Variants in MANSC1 observed in about 807,000 individuals in gnomAD.
MANSC1 encodes MANSC domain containing 1, also known as MANSC domain-containing protein 1.
Under a neutral mutation model 14.1 loss-of-function variants are expected in MANSC1, and 13 were observed. That is an observed-to-expected ratio of 0.92 (90% confidence interval 0.60 to 1.46). The LOEUF is 1.46. Ranked by LOEUF, MANSC1 falls within the 40% of genes most tolerant of loss-of-function variation. The probability of loss-of-function intolerance (pLI) is 0.00; values close to 1 mark genes in which losing one functional copy is unlikely to be tolerated. For missense variants in MANSC1, 486 were observed against 511.4 expected (o/e 0.95, Z 0.48); for synonymous variants, 227 against 200.7 (o/e 1.13, Z -1.11).
At chr12:12,334,176 G>C (rs1862827898) in intron 3 of MANSC1, among the ~76,000 whole-genome samples, 1 of 152,064 alleles carries the variant, frequency 6.6e-6, no homozygotes. Context: ...GACTGCTTGA[G>C]CTCAGGAGGT....
chr12:12,328,984 T>TCACACACACACACACACACA lies in MANSC1; in HGVS notation c.*1023_*1042dup, dbSNP rs35684053. On this transcript the variant is annotated 3_prime_UTR_variant, in exon 4 of 4. Coordinates refer to ENST00000535902, the MANE Select transcript of MANSC1 (RefSeq NM_018050.4). ...GCCTGGGTGACAGAGCAAGACTCTG[T>TCACACACACACACACACACA]CACACACACACACACACACACACAC... 7.6e-6 allele frequency: 1 copy of TCACACACACACACACACACA among 131,628 alleles called. No homozygotes were observed. Among genetic ancestry groups the TCACACACACACACACACACA allele is most frequent in the African/African-American group, 2.9e-5 (1 of 34,936 alleles). 8.2% of individuals were successfully genotyped at this position (131,628 alleles called of 1,614,324 possible).
intron 3 of MANSC1, among the ~76,000 whole-genome samples, chr12:12,337,935 G>A (rs1476169419): frequency 6.6e-6 from 1 of 152,144 alleles, no homozygotes; most frequent in Non-Finnish European, 1.5e-5. Context: ...TTCCTTTCCA[G>A]TCTAGACAAT....
In MANSC1 at chr12:12,330,364, A is replaced by G. The variant is rs1481244881; in HGVS notation, c.959T>C (p.Ile320Thr). Residue 320 changes from isoleucine (I) to threonine (T), a missense_variant, in exon 4 of 4, where the codon ATA (isoleucine) becomes ACA (threonine). Coordinates refer to ENST00000535902, the MANE Select transcript of MANSC1 (RefSeq NM_018050.4). ...PTDSKGSLET[I>T]PFTEISNLTL... is the part of the protein sequence containing the mutation. ...TAGGTTGGAGATTTCTGTAAACGGTATGGTTTCTAAGCTGCCTTTCGAGTC... is the reference window on the plus strand; with the variant it reads ...TAGGTTGGAGATTTCTGTAAACGGTGTGGTTTCTAAGCTGCCTTTCGAGTC... 1.2e-5 allele frequency: 20 copies of G among 1,614,110 alleles called. No individual in the cohort carries two copies. Among genetic ancestry groups the G allele is most frequent in the South Asian group, 7.7e-5 (7 of 91,090 alleles).
At position 12,330,859 on chromosome 12, in the gene MANSC1, T is replaced by C; in HGVS notation, c.464A>G (p.His155Arg). 6.2e-7 allele frequency: 1 copy of C among 1,614,122 alleles called. No individual in the cohort carries two copies. The highest frequency in any genetic ancestry group is 8.5e-7 in the Non-Finnish European group (1 of 1,179,980). The change falls in exon 4 of 4, where the codon CAT (histidine) becomes CGT (arginine). Residue 155 changes from histidine to arginine, a missense_variant. His to Arg is a conservative substitution (Grantham distance 29, BLOSUM62 0). Transcript: ENST00000535902. ...GGGCTTTGAATAATCTGTGTGATGA[T>C]GGGCTAGGGGAGTGACTGCTTGTGA... ...QFSQAVTPLAHHHTDYSKPTD... is the reference protein window; with the variant it reads ...QFSQAVTPLARHHTDYSKPTD...
intron 2 of MANSC1, chr12:12,339,110 G>T: frequency 6.2e-6 from 1 of 162,586 alleles, no homozygotes; most frequent in Non-Finnish European, 1.3e-5. Context: ...GGGCCGGCAA[G>T]CACCAAAGAG....
In MANSC1 at chr12:12,338,693, C is replaced by T. The variant is rs866581252; in HGVS notation, c.224-133G>A. The stretch of plus-strand genomic sequence containing the variant: ...TCATTTTGTTCACTTGCTTGCTGAC[C>T]GCTGAATCATTTCCTTTTCCTTAGC... On this transcript the variant is annotated intron_variant, in intron 2 of 3. Transcript: ENST00000535902. The T allele has an allele frequency of 1.3e-4, 103 of 792,798 alleles. 2 individuals are homozygous for T. In the Middle Eastern group the frequency reaches 1.9e-3, roughly 15 times the overall value. The allele number at this position is 792,798 out of a possible 1,614,324, so 49.1% of individuals were successfully genotyped here.
intron 2 of MANSC1, among the ~76,000 whole-genome samples, chr12:12,341,899 G>A (rs948414830): frequency 1.8e-4 from 28 of 152,250 alleles, no homozygotes; most frequent in African/African-American, 6.5e-4. Context: ...GGCTGAGGCA[G>A]GAGAATCACT....
At chr12:12,344,759 G>A (rs189074283) in intron 1 of MANSC1, among the ~76,000 whole-genome samples, 5 of 149,220 alleles carry the variant, frequency 3.4e-5, no homozygotes, top group African/African-American at 7.4e-5. Flanking sequence ...GAGCCACCAC[G>A]CCCAGCCCCA....
chr12:12,334,560 A>AG lies in MANSC1; in HGVS notation c.365-3603dup, dbSNP rs754007926. ...CCCCTAGGTGTCCATCAACCTGCTC[A>AG]GGGGCCGGCAACGCCCCCTGGTGGC... On this transcript the variant is annotated intron_variant, in intron 3 of 3. Coordinates refer to ENST00000535902, the MANE Select transcript of MANSC1 (RefSeq NM_018050.4). Among the ~76,000 whole-genome samples, 138 of 152,264 alleles carry AG rather than the reference A, an allele frequency of 9.1e-4. 1 individual carries two copies. The highest frequency in any genetic ancestry group is 6.8e-3 in the Middle Eastern group (2 of 294).
At position 12,330,390 on chromosome 12, in the gene MANSC1, C is replaced by T. The variant is rs576863093; in HGVS notation, c.933G>A (p.Thr311=). The change falls in exon 4 of 4, where the codon ACG becomes ACA. Residue 311 remains threonine (T), a synonymous_variant. Coordinates refer to ENST00000535902, the MANE Select transcript of MANSC1 (RefSeq NM_018050.4). ...AVLTTTFQAP[T]DSKGSLETIP... ...TGGTTTCTAAGCTGCCTTTCGAGTC[C>T]GTAGGTGCCTGAAAGGTGGTAGTCA... is the stretch of plus-strand genomic sequence containing the variant. The T allele has an allele frequency of 3.1e-6, 5 of 1,614,166 alleles. No homozygotes were observed. The highest frequency in any genetic ancestry group is 2.2e-5 in the East Asian group (1 of 44,886).
intron 2 of MANSC1, among the ~76,000 whole-genome samples, chr12:12,342,777 T>A (rs964563792): frequency 1.3e-5 from 2 of 152,146 alleles, no homozygotes; most frequent in African/African-American, 4.8e-5. Flanking sequence ...ATTCCAATAC[T>A]CCATGCTGAT....
intron 3 of MANSC1, among the ~76,000 whole-genome samples, chr12:12,334,507 T>C (rs548249200): frequency 1.3e-5 from 2 of 152,300 alleles, no homozygotes; most frequent in African/African-American, 4.8e-5. Flanking sequence ...GTCCTTTGCA[T>C]ACTATGTCCG....
chr12:12,336,041 C>A (rs61922043), intron 3 of MANSC1, among the ~76,000 whole-genome samples: 3 of 151,974 alleles, frequency 2.0e-5, no homozygotes, highest in Admixed American at 6.6e-5. Context: ...AAATTAGCCA[C>A]GTGTAGTGGC....
At chr12:12,341,715 C>T (rs752160817) in intron 2 of MANSC1, among the ~76,000 whole-genome samples, 2 of 152,128 alleles carry the variant, frequency 1.3e-5, no homozygotes, top group African/African-American at 4.8e-5. Context: ...AGGCTGGGTG[C>T]GGTGGCTCAC....
intron 3 of MANSC1, among the ~76,000 whole-genome samples, chr12:12,336,791 G>T (rs1862864084): frequency 6.6e-6 from 1 of 152,068 alleles, no homozygotes; most frequent in African/African-American, 2.4e-5. Context: ...CAGAGTGCTG[G>T]AATTATAGGC....
At chr12:12,336,894 A>G (rs966560249) in intron 3 of MANSC1, among the ~76,000 whole-genome samples, 2 of 152,224 alleles carry the variant, frequency 1.3e-5, no homozygotes, top group Non-Finnish European at 2.9e-5. Flanking sequence ...GATGCTAAAT[A>G]ATATTTGTTA....
chr12:12,346,533 G>A (rs1447961897), intron 1 of MANSC1, among the ~76,000 whole-genome samples: 3 of 152,148 alleles, frequency 2.0e-5, no homozygotes, highest in African/African-American at 7.2e-5. Context: ...TCAATGGAAT[G>A]GAATAGTAAA....
At chr12:12,342,595 T>G (rs1426451286) in intron 2 of MANSC1, among the ~76,000 whole-genome samples, 76 of 147,112 alleles carry the variant, frequency 5.2e-4, no homozygotes, top group Admixed American at 4.0e-3. Flanking sequence ...TTTTTTTTTT[T>G]TTTTTTTTTT....
rs140134132 is a variant in MANSC1, at chr12:12,331,535, T to G, written c.365-577A>C. 5.7e-3 allele frequency among the ~76,000 whole-genome samples: 873 copies of G among 152,200 alleles called. 14 individuals carry two copies. The highest frequency in any genetic ancestry group is 0.02 in the African/African-American group (844 of 41,534). On this transcript the variant is annotated intron_variant, in intron 3 of 3. Coordinates refer to ENST00000535902, the MANE Select transcript of MANSC1 (RefSeq NM_018050.4). ...GGCAGGGAGAATGCGGGGGAAGGTG[T>G]GGGCTTCTGCAAGACATGCCACCTA...
Sources: gnomAD v4.1 joint callset for allele counts (sites outside exome capture counted in the v4.1 genomes callset) on GRCh38, gnomAD v4.1.1 for gene constraint, MANE v1.5 for transcripts, NCBI Gene and HGNC (gene_info 2026-07-23, HGNC 2026-07-21) for gene names.